SOS2: variants seen among roughly 807,000 people sequenced by gnomAD.
SOS2 encodes son of sevenless homolog 2.
Under a neutral mutation model 148.2 loss-of-function variants are expected in SOS2, and 65 were observed. The ratio of observed to expected loss-of-function variants is 0.44; its 90% CI spans 0.36 to 0.54. The LOEUF (loss-of-function observed/expected upper bound fraction) is 0.54. SOS2 is among the 20% of genes least tolerant of loss of function. The pLI is 0.00. For synonymous variants in SOS2, 539 were observed against 537.1 expected (o/e 1.00, Z -0.05); for missense variants, 1,341 against 1,590.2 (o/e 0.84, Z 2.67).
At chr14:50,207,569 C>A (rs1309487366) in intron 1 of SOS2, among the ~76,000 whole-genome samples, 1 of 150,656 alleles carries the variant, frequency 6.6e-6, no homozygotes, top group Non-Finnish European at 1.5e-5. Context: ...AAAAAAAAGC[C>A]TAAGTAAAGT....
chr14:50,195,773 G>A (rs562594257), intron 4 of SOS2, among the ~76,000 whole-genome samples: 3 of 152,164 alleles, frequency 2.0e-5, no homozygotes, highest in Admixed American at 1.3e-4. Context: ...GCTCAAGCCT[G>A]TAATCCCAGC....
At chr14:50,224,718 C>T (rs1054392040) in intron 1 of SOS2, among the ~76,000 whole-genome samples, 3 of 26,914 alleles carry the variant, frequency 1.1e-4, no homozygotes, top group Admixed American at 8.6e-4. Flanking sequence ...ACCTTGTCTC[C>T]ACAAAAAAAA....
At chr14:50,230,977 T>C (rs1403787009) in intron 1 of SOS2, 2 of 927,516 alleles carry the variant, frequency 2.2e-6, no homozygotes, top group Non-Finnish European at 2.8e-6. Flanking sequence ...AATCCAGTTT[T>C]ATGATCATAA....
rs561202828 is a variant in SOS2 at position 50,195,636 on chromosome 14, C to T, written c.510+4055G>A. Among the ~76,000 whole-genome samples the T allele has an allele frequency of 3.9e-5, 6 of 152,086 alleles. No homozygotes were observed. In the South Asian group the frequency reaches 1.2e-3, roughly 32 times the overall value. The stretch of plus-strand genomic sequence containing the variant: ...ATTAGCTGGGCATGGTGGCAGGCAC[C>T]TATAGCTCTAGCTACTTGTGAGGCT... On this transcript the variant is annotated intron_variant, in intron 4 of 22. Coordinates refer to ENST00000216373, the MANE Select transcript of SOS2 (RefSeq NM_006939.4).
At chr14:50,190,354 A>C (rs1222408010) in intron 4 of SOS2, among the ~76,000 whole-genome samples, 3 of 152,222 alleles carry the variant, frequency 2.0e-5, no homozygotes, top group Non-Finnish European at 4.4e-5. Context: ...TCATTCATTC[A>C]TTCTGAAAAA....
intron 1 of SOS2, among the ~76,000 whole-genome samples, chr14:50,222,030 G>A (rs1430924627): frequency 1.3e-5 from 2 of 151,814 alleles, no homozygotes; most frequent in South Asian, 2.1e-4. Flanking sequence ...AAAGTTCACA[G>A]AGAAAAAAAG....
intron 1 of SOS2, among the ~76,000 whole-genome samples, chr14:50,216,308 G>A (rs972179008): frequency 6.6e-6 from 1 of 151,524 alleles, no homozygotes; most frequent in African/African-American, 2.4e-5. Flanking sequence ...TGTTGGCCAG[G>A]CTAGTCTTGA....
At chr14:50,126,916 A>AT (rs1339742436) in intron 21 of SOS2, among the ~76,000 whole-genome samples, 2 of 151,700 alleles carry the variant, frequency 1.3e-5, no homozygotes, top group East Asian at 3.9e-4. Flanking sequence ...AAAATGAAAA[A>AT]AAAAAATACC....
intron 5 of SOS2, 22 bp downstream of exon 5, chr14:50,188,475 T>G (rs1885999640): frequency 2.0e-6 from 3 of 1,537,112 alleles, no homozygotes; most frequent in Non-Finnish European, 2.7e-6. Flanking sequence ...ACACAGAATT[T>G]CAAACCCAAA....
Position 50,174,746 on chromosome 14 carries a change from G to C in SOS2, c.970-194C>G, listed in dbSNP as rs79843008. 0.12 allele frequency among the ~76,000 whole-genome samples: 18,674 copies of C among 152,100 alleles called. 1,595 individuals are homozygous for C. Among genetic ancestry groups the C allele is most frequent in the East Asian group, 0.44 (2,277 of 5,168 alleles). The stretch of plus-strand genomic sequence containing the variant: ...CCCTTTCCTCCTTTAAGTTATTAGA[G>C]AAATATATACATTAATTTTCTTTTA... On this transcript the variant is annotated intron_variant, in intron 7 of 22. Coordinates refer to ENST00000216373, the MANE Select transcript of SOS2 (RefSeq NM_006939.4).
At chr14:50,153,291 T>C (rs571808691) in intron 12 of SOS2, 118 bp from the exon 13 acceptor site, 1 of 562,320 alleles carries the variant, frequency 1.8e-6, no homozygotes, top group Non-Finnish European at 3.3e-6. Flanking sequence ...ACTCAAAGAC[T>C]CTCTAATCTG....
At chr14:50,123,154 G>T (rs745651319) in intron 21 of SOS2, among the ~76,000 whole-genome samples, 1 of 152,130 alleles carries the variant, frequency 6.6e-6, no homozygotes, top group Non-Finnish European at 1.5e-5. Flanking sequence ...AGGAGGTAAG[G>T]GAGCAGGCTG....
chr14:50,117,274 C>CT lies in SOS2; in HGVS notation c.*1069dup, dbSNP rs1191558325. ...GCTACAGCACTATCAGCAAAACACT[C>CT]TATCACTTTGAACGAAGGCATCCAA... On this transcript the variant is annotated 3_prime_UTR_variant, in exon 23 of 23. Coordinates refer to ENST00000216373, the MANE Select transcript of SOS2 (RefSeq NM_006939.4). The CT allele has an allele frequency of 8.7e-5, 13 of 150,082 alleles. No individual in the cohort carries two copies. The highest frequency in any genetic ancestry group is 4.2e-4 in the South Asian group (2 of 4,736). The allele number at this position is 150,082 out of a possible 1,614,324, so 9.3% of individuals were successfully genotyped here. A position where few individuals can be genotyped will look rare whatever the true frequency, so the allele number is the denominator to read the frequency against.
Position 50,118,712 on chromosome 14 carries a change from G to C in SOS2, c.3631C>G (p.Pro1211Ala), listed in dbSNP as rs1327675347. The C allele has an allele frequency of 5.0e-6, 8 of 1,613,850 alleles. No homozygotes were observed. The highest frequency in any genetic ancestry group is 6.8e-6 in the Non-Finnish European group (8 of 1,179,986). The change falls in exon 23 of 23, where the codon CCT becomes GCT. Residue 1211 changes from proline (P) to alanine (A), a missense_variant. Transcript: ENST00000216373. Reference protein sequence around the residue: ...HSPPPPPPRDPLPDTPPPVPL... With the variant: ...HSPPPPPPRDALPDTPPPVPL... ...ACTGGTGGAGGGGTATCAGGAAGAG[G>C]ATCTCTTGGTGGTGGCGGAGGTGGA...
At chr14:50,120,134 G>T (rs754577727) in intron 22 of SOS2, 141 bp downstream of exon 22, 3 of 577,804 alleles carry the variant, frequency 5.2e-6, no homozygotes, top group South Asian at 2.4e-5. Flanking sequence ...ACAACTAAAA[G>T]TATTTTTCAA....
chr14:50,133,718 C>G (rs1339454591), intron 19 of SOS2, among the ~76,000 whole-genome samples: 2 of 152,158 alleles, frequency 1.3e-5, no homozygotes, highest in Non-Finnish European at 2.9e-5. Context: ...ATTCTAGTGA[C>G]AGAGATGGGT....
chr14:50,157,461 A>T lies in SOS2; in HGVS notation c.1935-340T>A, dbSNP rs192088832. On this transcript the variant is annotated intron_variant, in intron 11 of 22. Transcript: ENST00000216373. ...TTAATATTTATATTATTAAAATGAA[A>T]GTAGGCTAATAAATTTATTTAAATG... 3.3e-3 allele frequency among the ~76,000 whole-genome samples: 505 copies of T among 152,318 alleles called. 2 individuals carry two copies. Among genetic ancestry groups the T allele is most frequent in the Non-Finnish European group, 5.0e-3 (341 of 68,012 alleles).
chr14:50,122,235 T>C (rs1020228742), intron 21 of SOS2, among the ~76,000 whole-genome samples: 6 of 152,122 alleles, frequency 3.9e-5, no homozygotes, highest in South Asian at 2.1e-4. Context: ...CATTCTGTCA[T>C]ACTGTCTTGT....
At chr14:50,153,794 G>T (rs2139606578) in intron 12 of SOS2, among the ~76,000 whole-genome samples, 3 of 152,212 alleles carry the variant, frequency 2.0e-5, no homozygotes, top group Middle Eastern at 6.8e-3. Flanking sequence ...TGTACTTTTA[G>T]TAGAGACGAC....
Sources: allele counts gnomAD v4.1 joint callset (sites outside exome capture counted in the v4.1 genomes callset), GRCh38; gene constraint gnomAD v4.1.1; transcripts MANE v1.5; gene names NCBI Gene and HGNC (gene_info 2026-07-23, HGNC 2026-07-21).